The following SCG5 variants were observed in gnomAD, a reference collection of about 807,000 sequenced individuals.
SCG5 encodes the protein neuroendocrine protein 7B2.
In SCG5, 18 loss-of-function variants were observed where a neutral mutation model predicts 25.7. That is an observed-to-expected ratio of 0.70 (90% confidence interval 0.48 to 1.04). The LOEUF (loss-of-function observed/expected upper bound fraction) is 1.04. Among genes scored for constraint, SCG5 ranks in the 50% least tolerant of loss-of-function variants. SCG5 has a pLI of 0.00. For missense variants in SCG5, 206 were observed against 259.8 expected, an observed-to-expected ratio of 0.79 and a Z score of 1.42; for synonymous variants, 101 against 91.7, an observed-to-expected ratio of 1.10 and a Z score of -0.58.
chr15:32,657,199 G>GTATATATATATA lies in SCG5; in HGVS notation c.226+13383_226+13394dup, dbSNP rs71113463. Among the ~76,000 whole-genome samples the GTATATATATATA allele has an allele frequency of 1.7e-3, 11 of 6,658 alleles. 3 individuals are homozygous for GTATATATATATA. The highest frequency in any genetic ancestry group is 7.0e-3 in the South Asian group (1 of 142). The allele number at this position is 6,658 out of a possible 152,430, so 4.4% of individuals were successfully genotyped here. A position where few individuals can be genotyped will look rare whatever the true frequency, so the allele number is the denominator to read the frequency against. On this transcript the variant is annotated intron_variant, in intron 2 of 5. Transcript: ENST00000300175. ...CCTTAATTCTTTCTTTCATCCTCCT[G>GTATATATATATA]TATATATATATATGTATGTATTTCC...
chr15:32,677,180 G>C (rs971016125), intron 2 of SCG5, among the ~76,000 whole-genome samples: 1 of 152,054 alleles, frequency 6.6e-6, no homozygotes, highest in African/African-American at 2.4e-5. Context: ...CTAGATCTGG[G>C]CTAGATACTT....
intron 2 of SCG5, among the ~76,000 whole-genome samples, chr15:32,650,157 C>T (rs534956179): frequency 3.9e-5 from 6 of 152,236 alleles, no homozygotes; most frequent in East Asian, 1.9e-4. Context: ...AGTGCAGTGG[C>T]GGGATCTCAG....
At chr15:32,661,555 G>A (rs542042617) in intron 2 of SCG5, among the ~76,000 whole-genome samples, 1 of 152,280 alleles carries the variant, frequency 6.6e-6, no homozygotes, top group East Asian at 1.9e-4. Flanking sequence ...GGGAGGCAGA[G>A]GTTGCGGTGA....
intron 2 of SCG5, among the ~76,000 whole-genome samples, chr15:32,676,790 A>G (rs1390176884): frequency 6.6e-6 from 1 of 152,248 alleles, no homozygotes; most frequent in Non-Finnish European, 1.5e-5. Flanking sequence ...CTGATTTATC[A>G]ATTTATATTT....
At chr15:32,649,369 G>C (rs1036000340) in intron 2 of SCG5, among the ~76,000 whole-genome samples, 2 of 152,128 alleles carry the variant, frequency 1.3e-5, no homozygotes, top group Non-Finnish European at 2.9e-5. Flanking sequence ...TCTCTGCCTA[G>C]AGGTTCTTGC....
At chr15:32,648,362 C>T (rs1162629160) in intron 2 of SCG5, among the ~76,000 whole-genome samples, 1 of 151,838 alleles carries the variant, frequency 6.6e-6, no homozygotes, top group Non-Finnish European at 1.5e-5. Context: ...CATCTTCCTG[C>T]TTCTATTCTT....
At chr15:32,647,056 G>A (rs1046170419) in intron 2 of SCG5, among the ~76,000 whole-genome samples, 2 of 152,090 alleles carry the variant, frequency 1.3e-5, no homozygotes, top group African/African-American at 2.4e-5. Flanking sequence ...AGAGACACCC[G>A]AATTTGAATG....
At chr15:32,672,951 T>G in intron 2 of SCG5, 1 of 146,188 alleles carries the variant, frequency 6.8e-6, no homozygotes. Context: ...AGTGACGAAG[T>G]AACGCAGGTC....
At chr15:32,690,330 C>T (rs574155385) in intron 4 of SCG5, among the ~76,000 whole-genome samples, 13 of 152,344 alleles carry the variant, frequency 8.5e-5, no homozygotes, top group Non-Finnish European at 1.6e-4. Context: ...GACATGTCCT[C>T]ACCCCTTCCC....
chr15:32,658,793 A>G (rs948166925), intron 2 of SCG5, among the ~76,000 whole-genome samples: 6 of 152,284 alleles, frequency 3.9e-5, no homozygotes, highest in Non-Finnish European at 7.4e-5. Flanking sequence ...TTCCCTTTGT[A>G]TTGGTCAAAT....
chr15:32,687,188 C>T (rs573344516), intron 4 of SCG5, among the ~76,000 whole-genome samples: 2 of 152,308 alleles, frequency 1.3e-5, no homozygotes, highest in South Asian at 4.1e-4. Context: ...TCTTGAAAAT[C>T]TTCACAGATT....
intron 4 of SCG5, among the ~76,000 whole-genome samples, chr15:32,689,318 A>G (rs1055825880): frequency 6.6e-6 from 1 of 152,130 alleles, no homozygotes; most frequent in Admixed American, 6.5e-5. Flanking sequence ...GAGTCTCCTC[A>G]AGCTTTCTTT....
chr15:32,685,785 T>G (rs892331105), intron 4 of SCG5, among the ~76,000 whole-genome samples: 4 of 152,194 alleles, frequency 2.6e-5, no homozygotes, highest in Non-Finnish European at 4.4e-5. Flanking sequence ...TTCCTTCACA[T>G]GTAACAGTAG....
chr15:32,691,018 C>T (rs2054844911), intron 4 of SCG5, among the ~76,000 whole-genome samples: 2 of 151,774 alleles, frequency 1.3e-5, no homozygotes, highest in South Asian at 4.2e-4. Context: ...ATCTGTTGAG[C>T]ATGTGTCTGA....
At chr15:32,684,740 C>A in intron 4 of SCG5, 71 bp downstream of exon 4, 2 of 898,912 alleles carry the variant, frequency 2.2e-6, no homozygotes, top group Non-Finnish European at 3.6e-6. Context: ...CAGGGATGAG[C>A]AATATGGGCA....
Position 32,643,692 on chromosome 15 carries a change from C to A in SCG5, c.100C>A (p.Arg34=). The A allele has an allele frequency of 2.5e-6, 4 of 1,613,852 alleles. No individual in the cohort carries two copies. The highest frequency in any genetic ancestry group is 3.4e-6 in the Non-Finnish European group (4 of 1,179,850). The change falls in exon 2 of 6, where the codon CGG becomes AGG. Residue 34 remains arginine, a synonymous_variant. Transcript: ENST00000300175. The part of the protein sequence containing the change: ...AFAYSPRTPD[R]VSEADIQRLL... The stretch of plus-strand genomic sequence containing the variant: ...TGCTTACAGCCCCCGGACCCCTGAC[C>A]GGGTCTCAGAAGCAGATATCCAGAG...
At chr15:32,647,812 CTT>C in intron 2 of SCG5, among the ~76,000 whole-genome samples, 1 of 152,262 alleles carries the variant, frequency 6.6e-6, no homozygotes, top group East Asian at 1.9e-4. Context: ...TTGGGCTTTC[CTT>C]TTTTCCTTTT....
chr15:32,680,164 G>A (rs2054592537), intron 3 of SCG5, among the ~76,000 whole-genome samples: 1 of 150,086 alleles, frequency 6.7e-6, no homozygotes, highest in Non-Finnish European at 1.5e-5. Flanking sequence ...CCTTCTTTGG[G>A]AATTGATGCA....
chr15:32,665,423 A>G (rs910346254), intron 2 of SCG5, among the ~76,000 whole-genome samples: 10 of 151,958 alleles, frequency 6.6e-5, no homozygotes, highest in South Asian at 2.1e-4. Context: ...AAGATGCAAC[A>G]TGGAGATAGG....
Sources: gnomAD v4.1 joint callset for allele counts (sites outside exome capture counted in the v4.1 genomes callset) on GRCh38, gnomAD v4.1.1 for gene constraint, MANE v1.5 for transcripts, NCBI Gene and HGNC (gene_info 2026-07-23, HGNC 2026-07-21) for gene names.